The following TMPRSS15 variants were observed in gnomAD, a reference collection of about 807,000 sequenced individuals.
TMPRSS15 encodes the protein enteropeptidase.
TMPRSS15 carries 128 observed loss-of-function variants against 125.3 expected under a neutral mutation model. That is an observed-to-expected ratio of 1.02 (90% CI 0.89 to 1.18). The LOEUF (loss-of-function observed/expected upper bound fraction) is 1.18. Ranked by LOEUF, TMPRSS15 falls within the 50% of genes most tolerant of loss-of-function variation. The pLI is 0.00. For synonymous variants in TMPRSS15, 446 were observed against 423.2 expected, an observed-to-expected ratio of 1.05 and a Z score of -0.66; for missense variants, 1,283 against 1,212.7, an observed-to-expected ratio of 1.06 and a Z score of -0.86.
intron 1 of TMPRSS15, among the ~76,000 whole-genome samples, chr21:18,474,920 G>A (rs909078966): frequency 8.5e-5 from 13 of 152,072 alleles, no homozygotes; most frequent in African/African-American, 1.2e-4. Flanking sequence ...GAATCATGAC[G>A]AATTTATCAG....
chr21:18,379,729 T>C (rs191186083), intron 4 of TMPRSS15, among the ~76,000 whole-genome samples: 121 of 152,232 alleles, frequency 7.9e-4, no homozygotes, highest in African/African-American at 2.8e-3. Context: ...TTGCTTTTGA[T>C]TTCTGAGTTT....
intron 13 of TMPRSS15, among the ~76,000 whole-genome samples, chr21:18,333,550 T>C (rs773392186): frequency 3.3e-5 from 5 of 152,094 alleles, no homozygotes; most frequent in Admixed American, 6.5e-5. Context: ...TTTTTTTTCA[T>C]TTTATTTATT....
chr21:18,269,818 T>C lies in TMPRSS15; in HGVS notation c.*151A>G. 1 of 863,094 alleles carries C rather than the reference T, an allele frequency of 1.2e-6. No homozygotes were observed. The highest frequency in any genetic ancestry group is 1.8e-6 in the Non-Finnish European group (1 of 563,812). 53.5% of individuals were successfully genotyped at this position (863,094 alleles called of 1,614,324 possible). ...GAATTTTATTATTTTTAAAATTTTG[T>C]TTCCCTGGCCCCCTAGCATTTCATT... On this transcript the variant is annotated 3_prime_UTR_variant, in exon 25 of 25. Coordinates refer to ENST00000284885, the MANE Select transcript of TMPRSS15 (RefSeq NM_002772.3).
Position 18,269,812 on chromosome 21 carries a change from A to C in TMPRSS15, c.*157T>G. On this transcript the variant is annotated 3_prime_UTR_variant, in exon 25 of 25. Transcript: ENST00000284885. ...TATGGTGAATTTTATTATTTTTAAA[A>C]TTTTGTTTCCCTGGCCCCCTAGCAT... 1.3e-6 allele frequency: 1 copy of C among 773,496 alleles called. No individual in the cohort carries two copies. The highest frequency in any genetic ancestry group is 2.1e-6 in the Non-Finnish European group (1 of 487,118). 47.9% of individuals were successfully genotyped at this position (773,496 alleles called of 1,614,324 possible). A position where few individuals can be genotyped will look rare whatever the true frequency, so the allele number is the denominator to read the frequency against.
At chr21:18,306,502 C>T (rs991756813) in intron 18 of TMPRSS15, among the ~76,000 whole-genome samples, 1 of 152,104 alleles carries the variant, frequency 6.6e-6, no homozygotes, top group Non-Finnish European at 1.5e-5. Flanking sequence ...GAATGTAAGG[C>T]TCAATTTGAT....
chr21:18,410,094 G>A (rs1357575681), intron 1 of TMPRSS15, among the ~76,000 whole-genome samples: 1 of 146,448 alleles, frequency 6.8e-6, no homozygotes, highest in Non-Finnish European at 1.5e-5. Flanking sequence ...CTACAGTTTT[G>A]AAGAAATTAA....
chr21:18,357,102 A>G (rs985820017), intron 8 of TMPRSS15, among the ~76,000 whole-genome samples: 6 of 151,902 alleles, frequency 3.9e-5, no homozygotes, highest in Admixed American at 1.3e-4. Context: ...TTGAAGATGC[A>G]TAAAAACATT....
intron 1 of TMPRSS15, among the ~76,000 whole-genome samples, chr21:18,461,067 A>G (rs1978542395): frequency 6.6e-6 from 1 of 152,160 alleles, no homozygotes; most frequent in African/African-American, 2.4e-5. Context: ...TGAAAAAATT[A>G]CATTTGTCTT....
chr21:18,414,146 T>A (rs1033585665), intron 1 of TMPRSS15, among the ~76,000 whole-genome samples: 1 of 152,210 alleles, frequency 6.6e-6, no homozygotes, highest in African/African-American at 2.4e-5. Flanking sequence ...TTTAATTTTT[T>A]AAAATTCTTA....
intron 1 of TMPRSS15, among the ~76,000 whole-genome samples, chr21:18,457,936 C>G (rs1978473762): frequency 6.6e-6 from 1 of 152,036 alleles, no homozygotes; most frequent in African/African-American, 2.4e-5. Flanking sequence ...GAGTATAATT[C>G]TAGAAAAATG....
Position 18,332,169 on chromosome 21 carries a change from G to A in TMPRSS15, c.1569C>T (p.Asp523=), listed in dbSNP as rs759604431. Residue 523 remains aspartate (D), a synonymous_variant, in exon 14 of 25, where the codon GAC becomes GAT. Coordinates refer to ENST00000284885, the MANE Select transcript of TMPRSS15 (RefSeq NM_002772.3). The stretch of plus-strand genomic sequence containing the variant: ...CCCACAGCTCAAAAGGTCCTCCACA[G>A]TCCGCTGAAAAGGAAAGCAATGGGA... ...VPTPPPELPT[D]CGGPFELWEP... 13 of 1,613,730 alleles carry A rather than the reference G, an allele frequency of 8.1e-6. No individual in the cohort carries two copies. Among genetic ancestry groups the A allele is most frequent in the Non-Finnish European group, 1.0e-5 (12 of 1,179,748 alleles).
intron 21 of TMPRSS15, among the ~76,000 whole-genome samples, chr21:18,288,577 G>A (rs558039936): frequency 6.2e-4 from 68 of 108,838 alleles, no homozygotes; most frequent in Admixed American, 3.0e-3. Flanking sequence ...GTGTTGCTCT[G>A]TCTCCCAGGC....
upstream of TMPRSS15, among the ~76,000 whole-genome samples, chr21:18,407,360 GTAT>G (rs1208332497): frequency 1.3e-5 from 2 of 151,744 alleles, no homozygotes; most frequent in African/African-American, 4.8e-5. Flanking sequence ...AGTCTCTGTG[GTAT>G]TATTAATAAT....
chr21:18,274,909 G>T (rs2074601786), intron 24 of TMPRSS15, among the ~76,000 whole-genome samples: 1 of 152,152 alleles, frequency 6.6e-6, no homozygotes, highest in South Asian at 2.1e-4. Context: ...CACACTTTCT[G>T]GCTCAACCCA....
chr21:18,471,119 G>C (rs998021555), intron 1 of TMPRSS15, among the ~76,000 whole-genome samples: 1 of 151,782 alleles, frequency 6.6e-6, no homozygotes, highest in African/African-American at 2.4e-5. Flanking sequence ...ATTTTTTCTT[G>C]CCAAAGGCAG....
At chr21:18,403,792 A>T, upstream of TMPRSS15, 3 of 707,238 alleles carry the variant, frequency 4.2e-6, no homozygotes, top group Non-Finnish European at 7.3e-6. Context: ...TGGCAAAATT[A>T]TGTCTCTATA....
At chr21:18,459,167 T>C (rs1489813417) in intron 1 of TMPRSS15, among the ~76,000 whole-genome samples, 2 of 152,186 alleles carry the variant, frequency 1.3e-5, no homozygotes, top group Non-Finnish European at 2.9e-5. Flanking sequence ...CAATAAATTT[T>C]CCCCCAGTTA....
intron 1 of TMPRSS15, among the ~76,000 whole-genome samples, chr21:18,484,520 T>TA (rs902863891): frequency 4.7e-5 from 7 of 150,346 alleles, no homozygotes; most frequent in South Asian, 2.1e-4. Context: ...TCCTTCTCTC[T>TA]AAAAAAAAAA....
chr21:18,440,513 T>C (rs1417723967), intron 1 of TMPRSS15, among the ~76,000 whole-genome samples: 2 of 152,134 alleles, frequency 1.3e-5, no homozygotes, highest in South Asian at 2.1e-4. Context: ...CATAAATCGA[T>C]GTGTATCAGA....
Sources: allele counts gnomAD v4.1 joint callset (sites outside exome capture counted in the v4.1 genomes callset), GRCh38; gene constraint gnomAD v4.1.1; transcripts MANE v1.5; gene names NCBI Gene and HGNC (gene_info 2026-07-23, HGNC 2026-07-21).